ZNF185: variants seen among roughly 807,000 people sequenced by gnomAD.
The protein encoded by ZNF185 is zinc finger protein 185 with LIM domain.
In ZNF185, 56 loss-of-function variants were observed where a neutral mutation model predicts 58.6. The observed-to-expected ratio is 0.95, with a 90% CI of 0.77 to 1.19. The LOEUF (loss-of-function observed/expected upper bound fraction) is 1.19. Ranked by LOEUF, ZNF185 falls within the 50% of genes most tolerant of loss-of-function variation. The probability of loss-of-function intolerance (pLI) is 0.00; values close to 1 mark genes in which losing one functional copy is unlikely to be tolerated. For missense variants in ZNF185, 627 were observed against 573.5 expected (o/e 1.09, Z -0.95); for synonymous variants, 230 against 215.9 (o/e 1.07, Z -0.57).
At chrX:152,923,549 T>A (rs1556870871) in intron 11 of ZNF185, among the ~76,000 whole-genome samples, 1 of 112,349 alleles carries the variant, frequency 8.9e-6, no homozygotes, top group East Asian at 2.8e-4. Context: ...CAAGGCAATA[T>A]CTAGGGCAGA....
At chrX:152,926,405 G>A (rs1269043359) in intron 11 of ZNF185, among the ~76,000 whole-genome samples, 2 of 112,387 alleles carry the variant, frequency 1.8e-5, no homozygotes, top group African/African-American at 6.5e-5. Flanking sequence ...TTCAAATACA[G>A]GAAGAGATCA....
exon 5 of ZNF185, chrX:152,917,309 C>T (rs1938697722): frequency 1.7e-6 from 2 of 1,211,737 alleles, no homozygotes; most frequent in Admixed American, 4.3e-5. Flanking sequence ...AGCCCATAGA[C>T]AGCTCTTCCC....
chrX:152,914,898 C>G, intron 2 of ZNF185, 65 bp downstream of exon 3: 1 of 1,131,202 alleles, frequency 8.8e-7, no homozygotes, highest in East Asian at 3.3e-5. Flanking sequence ...GGGGACCGAC[C>G]ATACCTGGGG....
chrX:152,938,901 TCC>T (rs2046767912), intron 15 of ZNF185, among the ~76,000 whole-genome samples: 1 of 83,627 alleles, frequency 1.2e-5, no homozygotes, highest in African/African-American at 5.8e-5. Flanking sequence ...TCAGGCGATC[TCC>T]TCTAAAGAGG....
intron 12 of ZNF185, among the ~76,000 whole-genome samples, chrX:152,929,220 A>C (rs1941475634): frequency 1.8e-5 from 2 of 109,129 alleles, no homozygotes; most frequent in Non-Finnish European, 3.8e-5. Flanking sequence ...TGTGCTGGGG[A>C]GGGGTGGGTC....
intron 15 of ZNF185, among the ~76,000 whole-genome samples, chrX:152,943,313 A>T (rs12559777): frequency 0.23 from 25,871 of 111,504 alleles, 2,269 homozygotes; most frequent in South Asian, 0.38. Flanking sequence ...TCCGTTTTTT[A>T]AAAGAATGGA....
chrX:152,965,970 G>A (rs1556914374), intron 19 of ZNF185, among the ~76,000 whole-genome samples: 1 of 109,562 alleles, frequency 9.1e-6, no homozygotes, highest in African/African-American at 3.3e-5. Flanking sequence ...ATACATGTGT[G>A]GCTTTGCTTT....
chrX:152,913,344 G>A (rs73631902), upstream of ZNF185, among the ~76,000 whole-genome samples: 213 of 112,335 alleles, frequency 1.9e-3, 1 homozygote, highest in African/African-American at 6.6e-3. Context: ...GCTCTGGGTC[G>A]CTCCCAGCCT....
At chrX:152,900,520 C>T in the ZNF185 span, among the ~76,000 whole-genome samples, 2 of 113,328 alleles carry the variant, frequency 1.8e-5, no homozygotes, top group Non-Finnish European at 3.7e-5. Context: ...GAGAGCTGCT[C>T]TCCAGTGCGG....
At chrX:152,959,887 G>T (rs781899934) in exon 17 of ZNF185, 1 of 1,209,337 alleles carries the variant, frequency 8.3e-7, no homozygotes, top group Non-Finnish European at 1.1e-6. Flanking sequence ...CGAGAGAGCT[G>T]CACCAGCAGG....
intron 19 of ZNF185, 114 bp from the exon 22 acceptor site, chrX:152,967,053 G>A (rs907009384): frequency 4.2e-6 from 3 of 706,539 alleles, no homozygotes; most frequent in African/African-American, 2.1e-5. Context: ...CATGAATGAC[G>A]ACTGGCATCG....
intron 15 of ZNF185, 119 bp from the exon 18 acceptor site, chrX:152,945,148 G>A (rs1453107328): frequency 1.8e-5 from 15 of 822,325 alleles, no homozygotes; most frequent in South Asian, 2.7e-5. Context: ...TTTCTGCCCC[G>A]CTTTCAGGGA....
chrX:152,903,661 C>T, the ZNF185 span, among the ~76,000 whole-genome samples: 3 of 111,533 alleles, frequency 2.7e-5, no homozygotes, highest in Non-Finnish European at 5.7e-5. Flanking sequence ...CCTGCCCAGC[C>T]CTCTGTTCTC....
At position 152,920,464 on chromosome X, in the gene ZNF185, A is replaced by C. The variant is rs146108677; in HGVS notation, c.614+53A>C. ...TCTAGGACAGCTCTCCTCTCCTCAG[A>C]GCTCCAGCCTTCTCTGGCTGATGAA... On this transcript the variant is annotated intron_variant, in intron 8 of 22. Transcript: ENST00000449285. 3.5e-3 allele frequency: 3,969 copies of C among 1,139,636 alleles called. 8 individuals carry two copies. The highest frequency in any genetic ancestry group is 0.014 in the Middle Eastern group (57 of 4,121). 93.9% of individuals were successfully genotyped at this position (1,139,636 alleles called of 1,213,427 possible).
intron 21 of ZNF185, among the ~76,000 whole-genome samples, 177 bp from the exon 24 acceptor site, chrX:152,970,266 G>T (rs58925500): frequency 4.8e-4 from 53 of 110,963 alleles, no homozygotes; most frequent in East Asian, 2.8e-4. Flanking sequence ...GCTTTTTTTT[G>T]TATTATTTTG....
intron 10 of ZNF185, 54 bp from the exon 12 acceptor site, chrX:152,922,666 C>A: frequency 9.2e-7 from 1 of 1,088,251 alleles, no homozygotes; most frequent in Non-Finnish European, 1.2e-6. Context: ...TCAGCATGCC[C>A]AGGGAGGAGG....
At chrX:152,898,768 G>A in the ZNF185 span, among the ~76,000 whole-genome samples, 6 of 112,639 alleles carry the variant, frequency 5.3e-5, no homozygotes, top group Non-Finnish European at 1.1e-4. Context: ...TCAGACAGAA[G>A]GCGCCGAATC....
intron 16 of ZNF185, among the ~76,000 whole-genome samples, chrX:152,947,924 A>G (rs1220445949): frequency 3.6e-5 from 4 of 112,045 alleles, no homozygotes; most frequent in Non-Finnish European, 5.6e-5. Flanking sequence ...AGGGGATATT[A>G]ATTATTGATC....
intron 14 of ZNF185, among the ~76,000 whole-genome samples, chrX:152,933,852 C>T (rs1327063660): frequency 8.9e-6 from 1 of 112,101 alleles, no homozygotes; most frequent in Non-Finnish European, 1.9e-5. Context: ...ACACCCAGGG[C>T]CCCTTTCCCT....
Sources: gnomAD v4.1 joint callset for allele counts (sites outside exome capture counted in the v4.1 genomes callset) on GRCh38, gnomAD v4.1.1 for gene constraint, MANE v1.5 for transcripts, NCBI Gene and HGNC (gene_info 2026-07-23, HGNC 2026-07-21) for gene names.